POLGARF: variants seen among roughly 807,000 people sequenced by gnomAD.
The protein encoded by POLGARF is POLG alternative reading frame.
the POLGARF span, chr15:89,333,227 G>A: frequency 1.3e-6 from 2 of 1,580,160 alleles, no homozygotes; most frequent in Admixed American, 3.5e-5. Flanking sequence ...GGCCGTACCG[G>A]GTCCAGCCCT....
chr15:89,330,355 G>A, the POLGARF span: 9 of 1,096,028 alleles, frequency 8.2e-6, no homozygotes, highest in Middle Eastern at 2.8e-4. Context: ...CACACCTACC[G>A]CCACATGCCA....
chr15:89,330,379 C>A, the POLGARF span: 1 of 895,634 alleles, frequency 1.1e-6, no homozygotes, highest in Non-Finnish European at 1.8e-6. Flanking sequence ...GGTGCATTGG[C>A]AGCTGGGGAC....
chr15:89,331,507 G>A, the POLGARF span, among the ~76,000 whole-genome samples: 1 of 152,240 alleles, frequency 6.6e-6, no homozygotes. Context: ...AATTTAAGAT[G>A]AGTAGGGATC....
At chr15:89,333,642 C>T in the POLGARF span, 1 of 1,590,058 alleles carries the variant, frequency 6.3e-7, no homozygotes, top group Non-Finnish European at 8.5e-7. Context: ...CCGCCGCTGC[C>T]CGTCGCTGGG....
chr15:89,333,681 C>G, the POLGARF span: 2 of 1,548,192 alleles, frequency 1.3e-6, no homozygotes, highest in Non-Finnish European at 1.7e-6. Flanking sequence ...GCTGGAGACC[C>G]AGCGCCCCGG....
chr15:89,330,264 G>C, the POLGARF span: 1 of 1,611,176 alleles, frequency 6.2e-7, no homozygotes, highest in Non-Finnish European at 8.5e-7. Context: ...GCCGCTGGCT[G>C]CACCAGGAAT....
At chr15:89,333,596 T>C in the POLGARF span, 67 of 1,597,996 alleles carry the variant, frequency 4.2e-5, no homozygotes, top group Admixed American at 1.2e-4. Flanking sequence ...GAGGCTGCTG[T>C]TGCTGCTGCT....
chr15:89,331,058 T>C, the POLGARF span, among the ~76,000 whole-genome samples: 2 of 151,960 alleles, frequency 1.3e-5, no homozygotes, highest in African/African-American at 4.8e-5. Context: ...TTCTAAACAA[T>C]CAAGGCCCAC....
the POLGARF span, chr15:89,333,385 C>T: frequency 6.3e-7 from 1 of 1,585,812 alleles, no homozygotes; most frequent in Non-Finnish European, 8.6e-7. Flanking sequence ...AGGCGCAGCT[C>T]CACGTCGGGC....
the POLGARF span, chr15:89,333,415 C>T: frequency 6.2e-7 from 1 of 1,606,384 alleles, no homozygotes; most frequent in Non-Finnish European, 8.5e-7. Context: ...GCTGGCTGCC[C>T]CCAGAGCCCG....
chr15:89,331,801 G>A, the POLGARF span, among the ~76,000 whole-genome samples: 631 of 152,012 alleles, frequency 4.2e-3, 5 homozygotes, highest in African/African-American at 0.015. Context: ...AGACTCCCAG[G>A]AGGAAGGTCC....
At chr15:89,333,608 CTG>C in the POLGARF span, 1 of 1,593,434 alleles carries the variant, frequency 6.3e-7, no homozygotes, top group South Asian at 1.1e-5. Context: ...GCTGCTGCTG[CTG>C]CTGCTGCTGC....
At chr15:89,332,986 C>A in the POLGARF span, 1 of 1,416,196 alleles carries the variant, frequency 7.1e-7, no homozygotes. Context: ...CATCAGCGCT[C>A]CCTACGTGAG....
the POLGARF span, among the ~76,000 whole-genome samples, chr15:89,331,072 G>A: frequency 1.3e-5 from 2 of 152,194 alleles, no homozygotes; most frequent in Non-Finnish European, 1.5e-5. Flanking sequence ...GGCCCACTCA[G>A]CATCAAAGTG....
chr15:89,333,002 A>C, the POLGARF span: 2 of 1,470,692 alleles, frequency 1.4e-6, no homozygotes, highest in Non-Finnish European at 1.8e-6. Flanking sequence ...GTGAGCACCC[A>C]GCCCGTAACA....
chr15:89,332,269 C>T, the POLGARF span: 2 of 152,124 alleles, frequency 1.3e-5, no homozygotes, highest in Admixed American at 6.5e-5. Context: ...TTTAACATTT[C>T]GCAGCTTTCT....
At chr15:89,333,497 T>C in the POLGARF span, 1 of 1,612,786 alleles carries the variant, frequency 6.2e-7, no homozygotes. Context: ...GCCCGAAGAT[T>C]TGCTCGTGCA....
chr15:89,333,623 CTGCT>C, the POLGARF span: 5 of 1,599,468 alleles, frequency 3.1e-6, no homozygotes, highest in African/African-American at 2.7e-5. Flanking sequence ...GCTGCTGCTG[CTGCT>C]GCCGCCGCCG....
At chr15:89,330,345 C>T in the POLGARF span, 1 of 1,195,630 alleles carries the variant, frequency 8.4e-7, no homozygotes, top group Non-Finnish European at 1.2e-6. Context: ...ACAACCACTG[C>T]ACACCTACCG....
Sources: gnomAD v4.1 joint callset for allele counts (sites outside exome capture counted in the v4.1 genomes callset) on GRCh38, gnomAD v4.1.1 for gene constraint, MANE v1.5 for transcripts, NCBI Gene and HGNC (gene_info 2026-07-23, HGNC 2026-07-21) for gene names.